NHS: variants seen among roughly 807,000 people sequenced by gnomAD.
NHS encodes NHS actin remodeling regulator.
NHS carries 5 observed loss-of-function variants against 72.5 expected under a neutral mutation model. The ratio of observed to expected loss-of-function variants is 0.07; its 90% CI spans 0.04 to 0.14. NHS has a LOEUF of 0.14. NHS is among the 10% of genes least tolerant of loss of function. The pLI is 1.00. For missense variants in NHS, 1,072 were observed against 1,355.7 expected, an observed-to-expected ratio of 0.79 and a Z score of 3.29; for synonymous variants, 464 against 547.7, an observed-to-expected ratio of 0.85 and a Z score of 2.13.
intron 1 of NHS, among the ~76,000 whole-genome samples, chrX:17,517,094 T>C (rs911833681): frequency 8.9e-6 from 1 of 112,399 alleles, no homozygotes; most frequent in African/African-American, 3.2e-5. Flanking sequence ...GCCATTGGTA[T>C]TGTCATCTTT....
intron 1 of NHS, among the ~76,000 whole-genome samples, chrX:17,515,939 C>G (rs752555181): frequency 9.1e-6 from 1 of 109,566 alleles, no homozygotes; most frequent in Non-Finnish European, 1.9e-5. Flanking sequence ...TGACTTGAAT[C>G]AAGTGAAATA....
chrX:17,435,070 C>T (rs969968873), intron 1 of NHS, among the ~76,000 whole-genome samples: 1 of 111,933 alleles, frequency 8.9e-6, no homozygotes, highest in African/African-American at 3.2e-5. Flanking sequence ...GGATATGTGC[C>T]AGGCAGAGGG....
rs1205533001 is a variant in NHS at position 17,692,341 on chromosome X, G to T, written c.725G>T (p.Arg242Leu). The part of the protein sequence containing the change: ...QSLQALRREH[R>L]SRSDRREQRA... ...TGCTTTTTCTCCTTCTCAGAACACC[G>T]GAGCCGGAGCGATCGCCGAGAGCAA... is the stretch of plus-strand genomic sequence containing the variant. The change falls in exon 3 of 9, where the codon CGG becomes CTG. Residue 242 changes from arginine to leucine, a missense_variant. Physicochemically the swap from Arg to Leu is moderately radical, Grantham distance 102 (BLOSUM62 -2). Transcript: ENST00000676302. 8.3e-7 allele frequency: 1 copy of T among 1,207,544 alleles called. No homozygotes were observed. Among genetic ancestry groups the T allele is most frequent in the Non-Finnish European group, 1.1e-6 (1 of 894,558 alleles).
intron 1 of NHS, among the ~76,000 whole-genome samples, chrX:17,494,076 C>CTT (rs749475125): frequency 0.19 from 13,931 of 73,212 alleles, 1,669 homozygotes; most frequent in South Asian, 0.33. Context: ...TCCTGGATGA[C>CTT]TTTTTTTTTT....
chrX:17,611,162 A>T (rs2065709622), intron 1 of NHS, among the ~76,000 whole-genome samples: 1 of 112,036 alleles, frequency 8.9e-6, no homozygotes, highest in Non-Finnish European at 1.9e-5. Context: ...GGTGAAACAG[A>T]CCCCTTGTTT....
chrX:17,651,612 G>A (rs1452573313), intron 1 of NHS, among the ~76,000 whole-genome samples: 1 of 111,767 alleles, frequency 8.9e-6, no homozygotes, highest in Admixed American at 9.5e-5. Context: ...ACAAGAAAGT[G>A]TGTGTAGGAA....
intron 1 of NHS, among the ~76,000 whole-genome samples, chrX:17,651,858 T>A (rs1336004328): frequency 8.9e-6 from 1 of 112,859 alleles, no homozygotes; most frequent in Non-Finnish European, 1.9e-5. Flanking sequence ...CTTGGTTGGA[T>A]AAACTTTAGT....
In NHS at chrX:17,580,534, G is replaced by A. The variant is rs191446384; in HGVS notation, c.566-107208G>A. On this transcript the variant is annotated intron_variant, in intron 1 of 8. Coordinates refer to ENST00000676302, the MANE Select transcript of NHS (RefSeq NM_001291867.2). ...AACTGCTATGAAATAAAGCAGTCTA[G>A]CCGAACACTGAGCACAGGAGCTCAG... 3.9e-3 allele frequency among the ~76,000 whole-genome samples: 442 copies of A among 112,444 alleles called. 2 individuals are homozygous for A. The highest frequency in any genetic ancestry group is 2.4e-3 in the Non-Finnish European group (126 of 53,282).
intron 1 of NHS, among the ~76,000 whole-genome samples, chrX:17,459,816 A>G (rs911779043): frequency 8.9e-6 from 1 of 112,067 alleles, no homozygotes; most frequent in Non-Finnish European, 1.9e-5. Context: ...CTTCCTCAAT[A>G]GTGTGATCAT....
At chrX:17,587,720 G>A (rs1569288613) in intron 1 of NHS, among the ~76,000 whole-genome samples, 1 of 111,759 alleles carries the variant, frequency 8.9e-6, no homozygotes, top group African/African-American at 3.3e-5. Context: ...TAAGCAAATA[G>A]GTTCTTAGAG....
chrX:17,425,599 A>G (rs2064653076), intron 1 of NHS, among the ~76,000 whole-genome samples: 1 of 97,098 alleles, frequency 1.0e-5, no homozygotes, highest in Admixed American at 1.2e-4. Context: ...AAAGAAATTG[A>G]GGAGGAATTC....
chrX:17,590,409 C>T (rs1048896322), intron 1 of NHS, among the ~76,000 whole-genome samples: 1 of 111,756 alleles, frequency 8.9e-6, no homozygotes, highest in Non-Finnish European at 1.9e-5. Flanking sequence ...ATGAATTAAG[C>T]TCCATTCATG....
chrX:17,566,736 T>C (rs1348385735), intron 1 of NHS, among the ~76,000 whole-genome samples: 3 of 110,725 alleles, frequency 2.7e-5, no homozygotes, highest in Non-Finnish European at 5.7e-5. Flanking sequence ...CAAAAGCCAC[T>C]TGACACACTT....
Position 17,654,301 on chromosome X carries a change from A to C in NHS, c.566-33441A>C, listed in dbSNP as rs761865027. ...GGTGCATGGCTGTCTTCTCACCTTC[A>C]CTGGGGGAGTGGCCATGCCATCTCC... is the stretch of plus-strand genomic sequence containing the variant. On this transcript the variant is annotated intron_variant, in intron 1 of 8. Coordinates refer to ENST00000676302, the MANE Select transcript of NHS (RefSeq NM_001291867.2). Among the ~76,000 whole-genome samples the C allele has an allele frequency of 3.6e-5, 4 of 110,303 alleles. No homozygotes were observed. The East Asian group carries it at 1.2e-3, about 32-fold the overall frequency.
intron 1 of NHS, among the ~76,000 whole-genome samples, chrX:17,576,690 C>T (rs1186954992): frequency 8.9e-6 from 1 of 111,849 alleles, no homozygotes; most frequent in Non-Finnish European, 1.9e-5. Context: ...ATAAACGTGT[C>T]GCAGGTGCCA....
chrX:17,622,614 C>A (rs907662195), intron 1 of NHS, among the ~76,000 whole-genome samples: 20 of 112,032 alleles, frequency 1.8e-4, no homozygotes, highest in African/African-American at 6.2e-4. Context: ...CTGCTTGGGG[C>A]GGGAATAAGT....
intron 1 of NHS, among the ~76,000 whole-genome samples, chrX:17,432,281 T>C (rs994003702): frequency 2.7e-5 from 3 of 112,762 alleles, no homozygotes; most frequent in Non-Finnish European, 5.6e-5. Context: ...TTTGTTGTTA[T>C]TCTTATCCTA....
At chrX:17,643,103 T>C (rs2065889663) in intron 1 of NHS, among the ~76,000 whole-genome samples, 1 of 111,915 alleles carries the variant, frequency 8.9e-6, no homozygotes, top group African/African-American at 3.3e-5. Context: ...TCATAGCTTA[T>C]CCTCATCACA....
chrX:17,640,895 G>A (rs1046448193), intron 1 of NHS, among the ~76,000 whole-genome samples: 4 of 112,296 alleles, frequency 3.6e-5, no homozygotes, highest in Non-Finnish European at 7.5e-5. Flanking sequence ...CAGGCCCATA[G>A]TCCCTGCTTT....
Sources: gnomAD v4.1 joint callset for allele counts (sites outside exome capture counted in the v4.1 genomes callset) on GRCh38, gnomAD v4.1.1 for gene constraint, MANE v1.5 for transcripts, NCBI Gene and HGNC (gene_info 2026-07-23, HGNC 2026-07-21) for gene names.